Variants in GATAD2B observed in about 807,000 individuals in gnomAD.
GATAD2B encodes GATA zinc finger domain containing 2B.
Under a neutral mutation model 64.3 loss-of-function variants are expected in GATAD2B, and 8 were observed. The ratio of observed to expected loss-of-function variants is 0.12; its 90% CI spans 0.07 to 0.22. The LOEUF (loss-of-function observed/expected upper bound fraction) is 0.22. Ranked by LOEUF, GATAD2B falls within the 10% of genes least tolerant of loss-of-function variation. GATAD2B has a pLI of 1.00. For synonymous variants in GATAD2B, 281 were observed against 271.3 expected, an observed-to-expected ratio of 1.04 and a Z score of -0.35; for missense variants, 453 against 752.0, an observed-to-expected ratio of 0.60 and a Z score of 4.65.
chr1:153,889,409 T>G (rs1166065201), intron 1 of GATAD2B, among the ~76,000 whole-genome samples: 1 of 55,598 alleles, frequency 1.8e-5, no homozygotes, highest in African/African-American at 6.6e-5. Flanking sequence ...CGAAACCCCG[T>G]CTCCAAAAAA....
chr1:153,856,222 CT>C (rs1287927076), intron 1 of GATAD2B, among the ~76,000 whole-genome samples: 1 of 152,138 alleles, frequency 6.6e-6, no homozygotes, highest in Non-Finnish European at 1.5e-5. Context: ...GATTAGCAAC[CT>C]TAATTCCATC....
At chr1:153,886,522 CTT>C (rs960423174) in intron 1 of GATAD2B, 8 of 113,934 alleles carry the variant, frequency 7.0e-5, no homozygotes, top group Non-Finnish European at 1.4e-4. Flanking sequence ...AATAGTTTTC[CTT>C]TTTTTTTTTT....
intron 1 of GATAD2B, among the ~76,000 whole-genome samples, chr1:153,885,495 G>A (rs2101943543): frequency 6.6e-6 from 1 of 152,196 alleles, no homozygotes; most frequent in Non-Finnish European, 1.5e-5. Flanking sequence ...GCAGAGGCAG[G>A]TGGATCATCT....
At chr1:153,884,537 C>T (rs998884680) in intron 1 of GATAD2B, among the ~76,000 whole-genome samples, 4 of 151,246 alleles carry the variant, frequency 2.6e-5, no homozygotes, top group Non-Finnish European at 4.4e-5. Context: ...GGGAGGATGA[C>T]GCTGCAGTGA....
chr1:153,877,259 C>A (rs1260217086), intron 1 of GATAD2B, among the ~76,000 whole-genome samples: 5 of 152,068 alleles, frequency 3.3e-5, no homozygotes, highest in African/African-American at 1.2e-4. Flanking sequence ...AAAAGGATCA[C>A]TTGAGCCCAG....
chr1:153,851,731 C>A (rs774908823), intron 1 of GATAD2B, among the ~76,000 whole-genome samples: 1 of 152,028 alleles, frequency 6.6e-6, no homozygotes, highest in Non-Finnish European at 1.5e-5. Flanking sequence ...GTAAAGAGGC[C>A]TGCTCAGATC....
chr1:153,827,718 G>A (rs1381308066), intron 2 of GATAD2B: 3 of 369,482 alleles, frequency 8.1e-6, no homozygotes, highest in Non-Finnish European at 1.4e-5. Context: ...AGATTAGAAT[G>A]AAGGTATATA....
rs764661054 is a variant in GATAD2B, at chr1:153,879,962, T to A, written c.-2+42771A>T. On this transcript the variant is annotated intron_variant, in intron 1 of 10. Coordinates refer to ENST00000368655, the MANE Select transcript of GATAD2B (RefSeq NM_020699.4). Reference sequence around the variant, plus strand: ...CATGTGCTGTTTGACTGTCCTTTTGTACAATTCTAACTCTGGCAGATGGCA... The same window carrying A: ...CATGTGCTGTTTGACTGTCCTTTTGAACAATTCTAACTCTGGCAGATGGCA... 1.4e-4 allele frequency among the ~76,000 whole-genome samples: 21 copies of A among 152,278 alleles called. 1 individual carries two copies. The South Asian group carries it at 2.1e-3, about 15-fold the overall frequency.
chr1:153,851,569 T>C (rs1278585537), intron 1 of GATAD2B, among the ~76,000 whole-genome samples: 3 of 152,208 alleles, frequency 2.0e-5, no homozygotes, highest in African/African-American at 7.2e-5. Flanking sequence ...TTGGCCACTT[T>C]TATGTCTTCT....
chr1:153,858,155 G>A lies in GATAD2B; in HGVS notation c.-1-29807C>T, dbSNP rs114631028. Reference sequence around the variant, plus strand: ...TTCCTATAAGGTTGTTCTTTCTTCTGCCTGGTGAGTTATGGGAGAGTGACG... The same window carrying A: ...TTCCTATAAGGTTGTTCTTTCTTCTACCTGGTGAGTTATGGGAGAGTGACG... On this transcript the variant is annotated intron_variant, in intron 1 of 10. Coordinates refer to ENST00000368655, the MANE Select transcript of GATAD2B (RefSeq NM_020699.4). Among the ~76,000 whole-genome samples the A allele has an allele frequency of 1.1e-3, 163 of 152,214 alleles. 1 individual carries two copies. The highest frequency in any genetic ancestry group is 3.8e-3 in the African/African-American group (157 of 41,536).
At chr1:153,868,725 T>C in intron 1 of GATAD2B, among the ~76,000 whole-genome samples, 1 of 151,242 alleles carries the variant, frequency 6.6e-6, no homozygotes, top group Non-Finnish European at 1.5e-5. Context: ...CCCACTAATA[T>C]ATATACTATA....
intron 1 of GATAD2B, among the ~76,000 whole-genome samples, chr1:153,832,089 C>T (rs961382087): frequency 6.6e-6 from 1 of 152,130 alleles, no homozygotes; most frequent in Non-Finnish European, 1.5e-5. Flanking sequence ...GTGGCACATG[C>T]CTGTAATCCC....
At chr1:153,840,374 G>A (rs1186740329) in intron 1 of GATAD2B, among the ~76,000 whole-genome samples, 1 of 147,282 alleles carries the variant, frequency 6.8e-6, no homozygotes, top group Non-Finnish European at 1.5e-5. Context: ...TTTTGCTCTT[G>A]TTGCCCAGGC....
Position 153,917,404 on chromosome 1 carries a change from T to C in GATAD2B, c.-2+5329A>G, listed in dbSNP as rs1437421619. Among the ~76,000 whole-genome samples the C allele has an allele frequency of 2.7e-5, 4 of 149,520 alleles. No individual in the cohort carries two copies. The South Asian group carries it at 8.5e-4, about 32-fold the overall frequency. On this transcript the variant is annotated intron_variant, in intron 1 of 10. Coordinates refer to ENST00000368655, the MANE Select transcript of GATAD2B (RefSeq NM_020699.4). ...AGCCACCATGCCCCACATATCTTTT[T>C]TTTTTTTTGAAACTGAGTCTCACGC...
In GATAD2B at chr1:153,816,059, A is replaced by AACACACACACACACACAC. The variant is rs71093286; in HGVS notation, c.1216+196_1216+213dup. 1.6e-3 allele frequency among the ~76,000 whole-genome samples: 221 copies of AACACACACACACACACAC among 141,880 alleles called. 1 individual carries two copies. The highest frequency in any genetic ancestry group is 7.2e-3 in the Middle Eastern group (2 of 276). The allele number at this position is 141,880 out of a possible 152,430, so 93.1% of individuals were successfully genotyped here. On this transcript the variant is annotated intron_variant, in intron 7 of 10. Coordinates refer to ENST00000368655, the MANE Select transcript of GATAD2B (RefSeq NM_020699.4). This position sits in a 1 kb window ranked among gnomAD's most constrained non-coding sequence, Gnocchi z 4.9. ...CAGAGCGAGACTGCATCTCAAACAA[A>AACACACACACACACACAC]ACACACACACACACACACACACACA...
intron 1 of GATAD2B, among the ~76,000 whole-genome samples, chr1:153,831,368 G>C (rs1675071901): frequency 6.6e-6 from 1 of 152,128 alleles, no homozygotes; most frequent in Non-Finnish European, 1.5e-5. Context: ...GAGAGCATTA[G>C]GACAAATATC....
chr1:153,836,250 T>TAA (rs890718307), intron 1 of GATAD2B, among the ~76,000 whole-genome samples: 1 of 142,158 alleles, frequency 7.0e-6, no homozygotes, highest in Non-Finnish European at 1.5e-5. Flanking sequence ...GACTCATCTC[T>TAA]AAAAAAAAAT....
chr1:153,918,387 T>C (rs1678335905), intron 1 of GATAD2B, among the ~76,000 whole-genome samples: 1 of 152,142 alleles, frequency 6.6e-6, no homozygotes, highest in Admixed American at 6.6e-5. Context: ...CAAGTTTGAG[T>C]TTAAATACTC....
intron 1 of GATAD2B, among the ~76,000 whole-genome samples, chr1:153,914,448 C>T (rs1000085540): frequency 1.3e-5 from 2 of 152,120 alleles, no homozygotes; most frequent in Non-Finnish European, 2.9e-5. Context: ...AGTGACTCAA[C>T]CAAGGTCACA....
Sources: gnomAD v4.1 joint callset for allele counts (sites outside exome capture counted in the v4.1 genomes callset) on GRCh38, gnomAD v4.1.1 for gene constraint, Gnocchi (gnomAD v3.1) non-coding constraint, MANE v1.5 for transcripts, NCBI Gene and HGNC (gene_info 2026-07-23, HGNC 2026-07-21) for gene names.